USH1C: variants seen among roughly 807,000 people sequenced by gnomAD.
The protein encoded by USH1C is harmonin.
USH1C carries 90 observed loss-of-function variants against 119.3 expected under a neutral mutation model. That is an observed-to-expected ratio of 0.75 (90% confidence interval 0.64 to 0.90). The LOEUF (loss-of-function observed/expected upper bound fraction) is 0.90, where lower values mean the gene tolerates loss of function less well. Ranked by LOEUF, USH1C falls within the 40% of genes least tolerant of loss-of-function variation. The pLI is 0.00. For missense variants in USH1C, 1,165 were observed against 1,167.7 expected (o/e 1.00, Z 0.03); for synonymous variants, 465 against 443.3 (o/e 1.05, Z -0.62).
At chr11:17,519,172 C>A (rs1374796347) in intron 14 of USH1C, among the ~76,000 whole-genome samples, 1 of 152,192 alleles carries the variant, frequency 6.6e-6, no homozygotes, top group African/African-American at 2.4e-5. Context: ...CCTGACCATG[C>A]TAGACCCCGG....
chr11:17,527,359 C>A, intron 4 of USH1C, 28 bp from the exon 5 acceptor site: 2 of 1,565,488 alleles, frequency 1.3e-6, no homozygotes, highest in Non-Finnish European at 1.8e-6. Flanking sequence ...GCAGGGAGCA[C>A]CAGGTGGAGG....
intron 23 of USH1C, among the ~76,000 whole-genome samples, chr11:17,500,218 T>C (rs533394500): frequency 3.7e-4 from 57 of 152,306 alleles, no homozygotes; most frequent in Non-Finnish European, 7.1e-4. Context: ...TATGGGGGCC[T>C]CTGGCCCTCT....
chr11:17,530,685 G>T (rs1850924048), intron 4 of USH1C, among the ~76,000 whole-genome samples: 1 of 152,214 alleles, frequency 6.6e-6, no homozygotes, highest in African/African-American at 2.4e-5. Flanking sequence ...GAAGCACAGG[G>T]TTAAGTCATT....
At position 17,544,287 on chromosome 11, in the gene USH1C, T is replaced by G; in HGVS notation, c.21A>C (p.Arg7=). The G allele has an allele frequency of 6.2e-7, 1 of 1,614,040 alleles. No homozygotes were observed. The highest frequency in any genetic ancestry group is 2.2e-5 in the East Asian group (1 of 44,874). MDRKVA[R]EFRHKVDFLI... ...CAGCTCTGACCTTATGCCGGAATTC[T>G]CGGGCCACTTTTCGGTCCATGGCTG... The change falls in exon 1 of 27, where the codon CGA becomes CGC. Residue 7 remains arginine (R), a synonymous_variant. Transcript: ENST00000005226.
At chr11:17,538,767 G>A (rs1195011705) in intron 1 of USH1C, among the ~76,000 whole-genome samples, 21 of 152,104 alleles carry the variant, frequency 1.4e-4, no homozygotes, top group Non-Finnish European at 1.5e-4. Context: ...GATGAGAGGC[G>A]TGGGGAGACA....
chr11:17,530,407 C>A (rs539141296), intron 4 of USH1C, among the ~76,000 whole-genome samples: 1 of 152,360 alleles, frequency 6.6e-6, no homozygotes, highest in South Asian at 2.1e-4. Context: ...CTAATCCTGG[C>A]TCTGCCACTT....
chr11:17,531,582 C>A lies in USH1C; in HGVS notation c.105-40G>T. The A allele has an allele frequency of 6.2e-7, 1 of 1,608,942 alleles. No homozygotes were observed. The highest frequency in any genetic ancestry group is 8.5e-7 in the Non-Finnish European group (1 of 1,179,566). ...GGAATGCCTGGAGCCTCACCCCTGG[C>A]CATGACCTCAGGCACCCAGGGATTC... On this transcript the variant is annotated intron_variant, in intron 2 of 26. Coordinates refer to ENST00000005226, the MANE Select transcript of USH1C (RefSeq NM_153676.4). The surrounding 1 kb of genome is among the most constrained non-coding windows in gnomAD (Gnocchi z 4.2).
intron 1 of USH1C, among the ~76,000 whole-genome samples, chr11:17,543,418 C>T (rs1018667409): frequency 2.9e-5 from 1 of 34,548 alleles, no homozygotes; most frequent in African/African-American, 1.6e-4. Context: ...TACCACCCAC[C>T]CCCCCCAAGC....
intron 14 of USH1C, among the ~76,000 whole-genome samples, chr11:17,516,921 C>T (rs1850175572): frequency 6.6e-6 from 1 of 152,152 alleles, no homozygotes; most frequent in South Asian, 2.1e-4. Flanking sequence ...TGCACCAGCC[C>T]CCTTCCTTCC....
rs1212842447 is a variant in USH1C, at chr11:17,509,384, G to T, written c.1985C>A (p.Pro662His). 2 of 1,591,786 alleles carry T rather than the reference G, an allele frequency of 1.3e-6. No homozygotes were observed. The highest frequency in any genetic ancestry group is 4.5e-5 in the East Asian group (2 of 44,446). ...TGGGGTGGGTGGGAAGCTCTGTTCA[G>T]GGACAGGGGAGTTAGTGGGCTTCCC... Reference protein sequence around the residue: ...HSGKPTNSPVPEQSFPPTPKT... With the variant: ...HSGKPTNSPVHEQSFPPTPKT... Residue 662 changes from proline to histidine, a missense_variant, in exon 18 of 27, where the codon CCT (proline) becomes CAT (histidine). Coordinates refer to ENST00000005226, the MANE Select transcript of USH1C (RefSeq NM_153676.4).
Position 17,495,679 on chromosome 11 carries a change from T to C in USH1C, c.2547-2A>G. Reference sequence around the variant, plus strand: ...GCTACGGAGGAGGGAAGAGAAGCTCTATATATACAGAGCAGAGCAAGAAAC... The same window carrying C: ...GCTACGGAGGAGGGAAGAGAAGCTCCATATATACAGAGCAGAGCAAGAAAC... On this transcript the variant is annotated splice_acceptor_variant, in intron 25 of 26. Coordinates refer to ENST00000005226, the MANE Select transcript of USH1C (RefSeq NM_153676.4). LOFTEE classifies it high-confidence loss of function. The C allele has an allele frequency of 6.2e-7, 1 of 1,614,082 alleles. No homozygotes were observed. Among genetic ancestry groups the C allele is most frequent in the South Asian group, 1.1e-5 (1 of 91,074 alleles).
intron 20 of USH1C, 58 bp from the exon 21 acceptor site, chr11:17,502,038 C>G: frequency 6.4e-7 from 1 of 1,571,626 alleles, no homozygotes; most frequent in Non-Finnish European, 8.7e-7. Flanking sequence ...GGGTCAGAGC[C>G]GAGGAGTAGG....
At chr11:17,494,399 C>G in intron 26 of USH1C, 23 bp from the exon 27 acceptor site, 1 of 1,583,404 alleles carries the variant, frequency 6.3e-7, no homozygotes, top group Non-Finnish European at 8.6e-7. Context: ...GGAAACAGCC[C>G]AGGTGGATAC....
At chr11:17,541,269 C>T (rs1851455273) in intron 1 of USH1C, among the ~76,000 whole-genome samples, 1 of 152,194 alleles carries the variant, frequency 6.6e-6, no homozygotes, top group South Asian at 2.1e-4. Flanking sequence ...TTCCTTTTAA[C>T]TACCTGTCTT....
At position 17,527,542 on chromosome 11, in the gene USH1C, C is replaced by T. The variant is rs533464561; in HGVS notation, c.388-211G>A. Among the ~76,000 whole-genome samples the T allele has an allele frequency of 2.0e-5, 3 of 152,248 alleles. No homozygotes were observed. In the South Asian group the frequency reaches 6.2e-4, roughly 32 times the overall value. On this transcript the variant is annotated intron_variant, in intron 4 of 26. Coordinates refer to ENST00000005226, the MANE Select transcript of USH1C (RefSeq NM_153676.4). ...GCATGTCCAAGCAGTCTTGTCGCCC[C>T]ATTTTACAGATGGAGAAACCAAGAC... is the stretch of plus-strand genomic sequence containing the variant.
At chr11:17,522,571 CAG>C (rs1850458438) in intron 12 of USH1C, among the ~76,000 whole-genome samples, 1 of 152,188 alleles carries the variant, frequency 6.6e-6, no homozygotes, top group South Asian at 2.1e-4. Context: ...TGTTGGAAGA[CAG>C]GGGGCTCTGC....
chr11:17,494,640 CA>C, intron 26 of USH1C: 1 of 544,284 alleles, frequency 1.8e-6, no homozygotes, highest in Non-Finnish European at 3.3e-6. Context: ...GAGTCCTTTG[CA>C]AAAGGCAAGT....
intron 1 of USH1C, among the ~76,000 whole-genome samples, chr11:17,541,088 A>G (rs1851447403): frequency 6.6e-6 from 1 of 152,094 alleles, no homozygotes; most frequent in African/African-American, 2.4e-5. Flanking sequence ...TTCTACATGT[A>G]TCTCTGTGGC....
chr11:17,541,801 G>GC (rs372973969), intron 1 of USH1C, among the ~76,000 whole-genome samples: 1 of 152,238 alleles, frequency 6.6e-6, no homozygotes, highest in African/African-American at 2.4e-5. Flanking sequence ...GCTGGAAACA[G>GC]TGTGGTTACT....
Sources: gnomAD v4.1 joint callset for allele counts (sites outside exome capture counted in the v4.1 genomes callset) on GRCh38, gnomAD v4.1.1 for gene constraint, Gnocchi (gnomAD v3.1) non-coding constraint, MANE v1.5 for transcripts, NCBI Gene and HGNC (gene_info 2026-07-23, HGNC 2026-07-21) for gene names.